The following TAF3 variants were observed in gnomAD, a reference collection of about 807,000 sequenced individuals.
TAF3 encodes transcription initiation factor TFIID subunit 3.
In TAF3, 7 loss-of-function variants were observed where a neutral mutation model predicts 80.6. The ratio of observed to expected loss-of-function variants is 0.09; its 90% CI spans 0.05 to 0.16. TAF3 has a LOEUF of 0.16. TAF3 is among the 10% of genes least tolerant of loss of function. The pLI, the probability that TAF3 is intolerant of heterozygous loss-of-function variation, is 1.00. For synonymous variants in TAF3, 444 were observed against 446.1 expected (o/e 1.00, Z 0.06); for missense variants, 921 against 1,140.2 (o/e 0.81, Z 2.77).
rs939103854 is a variant in TAF3, at chr10:7,899,076, G to A, written c.410-64844G>A. ...CTGGAAGGGAGGGATTCTTGTAACCGGCTGCTAGCATTTTTAAGAGAGCAT... is the reference window on the plus strand; with the variant it reads ...CTGGAAGGGAGGGATTCTTGTAACCAGCTGCTAGCATTTTTAAGAGAGCAT... On this transcript the variant is annotated intron_variant, in intron 2 of 6. Coordinates refer to ENST00000344293, the MANE Select transcript of TAF3 (RefSeq NM_031923.4). 4.6e-5 allele frequency among the ~76,000 whole-genome samples: 7 copies of A among 152,190 alleles called. No individual in the cohort carries two copies. The East Asian group carries it at 5.8e-4, about 13-fold the overall frequency.
chr10:7,829,578 G>C (rs1382974513), intron 2 of TAF3, among the ~76,000 whole-genome samples: 1 of 152,158 alleles, frequency 6.6e-6, no homozygotes, highest in Non-Finnish European at 1.5e-5. Context: ...GATTAGACTG[G>C]GGTTATGAGA....
At chr10:7,907,891 G>A (rs1780648662) in intron 2 of TAF3, among the ~76,000 whole-genome samples, 1 of 152,242 alleles carries the variant, frequency 6.6e-6, no homozygotes, top group Non-Finnish European at 1.5e-5. Flanking sequence ...GCAGGAGCTA[G>A]TGAAGTGGGC....
intron 2 of TAF3, among the ~76,000 whole-genome samples, chr10:7,928,829 C>T (rs985145096): frequency 4.0e-5 from 6 of 151,896 alleles, no homozygotes; most frequent in African/African-American, 1.2e-4. Flanking sequence ...TCTGAAATAC[C>T]GAGACTTCTT....
chr10:7,914,092 GT>G (rs900738054), intron 2 of TAF3, among the ~76,000 whole-genome samples: 9 of 151,532 alleles, frequency 5.9e-5, no homozygotes, highest in East Asian at 5.8e-4. Context: ...AATGTCGGGA[GT>G]TTTTTTTTGC....
At chr10:7,830,507 G>A (rs1836788426) in intron 2 of TAF3, among the ~76,000 whole-genome samples, 1 of 82,112 alleles carries the variant, frequency 1.2e-5, no homozygotes, top group Non-Finnish European at 2.2e-5. Context: ...TTTTTGAGAA[G>A]GAGTCTTGCT....
chr10:7,939,216 T>C (rs980588249), intron 2 of TAF3, among the ~76,000 whole-genome samples: 4 of 152,190 alleles, frequency 2.6e-5, no homozygotes, highest in African/African-American at 9.7e-5. Flanking sequence ...TGGCTAAACA[T>C]TGAGTGCCAA....
At position 7,935,103 on chromosome 10, in the gene TAF3, C is replaced by T. The variant is rs143984803; in HGVS notation, c.410-28817C>T. Among the ~76,000 whole-genome samples, 672 of 152,036 alleles carry T rather than the reference C, an allele frequency of 4.4e-3. 6 individuals are homozygous for T. Among genetic ancestry groups the T allele is most frequent in the Non-Finnish European group, 4.8e-3 (327 of 67,978 alleles). ...ACCAGCCTGGCCAACATGGTGAAAC[C>T]GCATTTCTATTAAAAATACAAAAAT... is the stretch of plus-strand genomic sequence containing the variant. On this transcript the variant is annotated intron_variant, in intron 2 of 6. Coordinates refer to ENST00000344293, the MANE Select transcript of TAF3 (RefSeq NM_031923.4).
intron 4 of TAF3, among the ~76,000 whole-genome samples, chr10:8,001,484 A>G (rs1831942840): frequency 6.6e-6 from 1 of 152,158 alleles, no homozygotes; most frequent in Non-Finnish European, 1.5e-5. Flanking sequence ...AGCTGTTTAT[A>G]TAAGAAGGCG....
chr10:7,897,301 T>G (rs1837513804), intron 2 of TAF3, among the ~76,000 whole-genome samples: 1 of 152,208 alleles, frequency 6.6e-6, no homozygotes, highest in South Asian at 2.1e-4. Flanking sequence ...ACAGCTCATT[T>G]GACTGAATAA....
chr10:7,824,931 A>G (rs1836726341), intron 2 of TAF3, among the ~76,000 whole-genome samples: 1 of 152,236 alleles, frequency 6.6e-6, no homozygotes, highest in Non-Finnish European at 1.5e-5. Flanking sequence ...CTTATTATTC[A>G]GGCCATGAGT....
rs541939726 is a variant in TAF3 at position 7,856,472 on chromosome 10, C to T, written c.409+31912C>T. Among the ~76,000 whole-genome samples the T allele has an allele frequency of 5.9e-5, 9 of 152,042 alleles. No individual in the cohort carries two copies. In the South Asian group the frequency reaches 1.7e-3, roughly 28 times the overall value. On this transcript the variant is annotated intron_variant, in intron 2 of 6. Transcript: ENST00000344293. The stretch of plus-strand genomic sequence containing the variant: ...TCCAGCCTGGGCAGATGACACAGGA[C>T]TTCATCTCAAAATAAATAAAAAAAT...
At chr10:7,869,155 T>A (rs922508750) in intron 2 of TAF3, among the ~76,000 whole-genome samples, 2 of 152,098 alleles carry the variant, frequency 1.3e-5, no homozygotes, top group Admixed American at 1.3e-4. Flanking sequence ...TTTAGAAAAA[T>A]TTTAAAATGT....
chr10:7,830,370 A>C (rs1410211343), intron 2 of TAF3, among the ~76,000 whole-genome samples: 1 of 123,652 alleles, frequency 8.1e-6, no homozygotes, highest in African/African-American at 3.0e-5. Flanking sequence ...CTGACTTTGT[A>C]GGAATTACTC....
intron 2 of TAF3, among the ~76,000 whole-genome samples, chr10:7,917,144 A>C (rs1837718987): frequency 6.6e-6 from 1 of 152,208 alleles, no homozygotes; most frequent in Admixed American, 6.5e-5. Flanking sequence ...AGTGCCACCC[A>C]CATTTTAGCT....
At chr10:7,847,310 C>T (rs1035277032) in intron 2 of TAF3, among the ~76,000 whole-genome samples, 2 of 152,170 alleles carry the variant, frequency 1.3e-5, no homozygotes, top group Admixed American at 6.5e-5. Flanking sequence ...TCTAGTCATT[C>T]AAAAGGACTT....
Position 7,982,007 on chromosome 10 carries a change from C to G in TAF3, c.2315+4684C>G, listed in dbSNP as rs143581062. On this transcript the variant is annotated intron_variant, in intron 4 of 6. Coordinates refer to ENST00000344293, the MANE Select transcript of TAF3 (RefSeq NM_031923.4). ...AATCATGGGCAGTTACAAAAATAAT[C>G]ATTTAAAATATTTTTAAGGAAAATA... 2.7e-3 allele frequency among the ~76,000 whole-genome samples: 410 copies of G among 152,196 alleles called. 6 individuals carry two copies. The East Asian group carries it at 0.053, about 20-fold the overall frequency.
At chr10:7,832,032 T>G (rs1246169869) in intron 2 of TAF3, among the ~76,000 whole-genome samples, 1 of 152,196 alleles carries the variant, frequency 6.6e-6, no homozygotes, top group East Asian at 1.9e-4. Context: ...GCCTATCGTT[T>G]TTTGTGGAGA....
At chr10:7,840,444 G>T (rs1213355461) in intron 2 of TAF3, among the ~76,000 whole-genome samples, 1 of 150,826 alleles carries the variant, frequency 6.6e-6, no homozygotes, top group Non-Finnish European at 1.5e-5. Context: ...GAGCCACCGC[G>T]CCCGGCCTGG....
intron 2 of TAF3, among the ~76,000 whole-genome samples, chr10:7,876,576 C>T (rs1457962558): frequency 4.6e-5 from 7 of 152,112 alleles, no homozygotes; most frequent in African/African-American, 1.4e-4. Context: ...AGGAGAGAGG[C>T]AGTCTTACCT....
Sources: gnomAD v4.1 joint callset for allele counts (sites outside exome capture counted in the v4.1 genomes callset) on GRCh38, gnomAD v4.1.1 for gene constraint, MANE v1.5 for transcripts, NCBI Gene and HGNC (gene_info 2026-07-23, HGNC 2026-07-21) for gene names.